The following PARD3B variants were observed in gnomAD, a reference collection of about 807,000 sequenced individuals.
The protein encoded by PARD3B is partitioning defective 3 homolog B.
PARD3B carries 103 observed loss-of-function variants against 130.2 expected under a neutral mutation model. That is an observed-to-expected ratio of 0.79 (90% CI 0.67 to 0.93). The LOEUF (loss-of-function observed/expected upper bound fraction) is 0.93, where lower values mean the gene tolerates loss of function less well. PARD3B is among the 40% of genes least tolerant of loss of function. PARD3B has a pLI of 0.00. For synonymous variants in PARD3B, 583 were observed against 553.2 expected (o/e 1.05, Z -0.76); for missense variants, 1,609 against 1,499.2 (o/e 1.07, Z -1.21).
chr2:204,820,071 C>CTTTTTTTTTTTTTTTTTT (rs557143420), intron 2 of PARD3B, among the ~76,000 whole-genome samples: 5 of 98,422 alleles, frequency 5.1e-5, no homozygotes, highest in African/African-American at 2.2e-4. Context: ...AAACAATAGA[C>CTTTTTTTTTTTTTTTTTT]TTTTTTTTTT....
At chr2:204,882,177 C>T (rs1018896976) in intron 2 of PARD3B, among the ~76,000 whole-genome samples, 5 of 152,116 alleles carry the variant, frequency 3.3e-5, no homozygotes, top group Non-Finnish European at 5.9e-5. Flanking sequence ...CTGGATATAA[C>T]AAGAAAAGCA....
chr2:204,963,641 A>T (rs1407333842), intron 2 of PARD3B, among the ~76,000 whole-genome samples: 1 of 152,220 alleles, frequency 6.6e-6, no homozygotes, highest in African/African-American at 2.4e-5. Context: ...CCTTTTCAAG[A>T]TTTAAAGTGT....
intron 19 of PARD3B, among the ~76,000 whole-genome samples, chr2:205,438,407 G>A (rs914005974): frequency 6.6e-6 from 1 of 152,258 alleles, no homozygotes; most frequent in Admixed American, 6.5e-5. Context: ...CCATGAGGCA[G>A]CCATGAGATA....
rs2046071000 is a variant in PARD3B, at chr2:205,397,409, T to G, written c.2631-3604T>G. ...TAAGAAGAAAATACTTTGCAGAATT[T>G]ACTTTCAACTAACATGTTTTTTTTC... On this transcript the variant is annotated intron_variant, in intron 18 of 22. Coordinates refer to ENST00000406610, the MANE Select transcript of PARD3B (RefSeq NM_001302769.2). This position sits in a 1 kb window ranked among gnomAD's most constrained non-coding sequence, Gnocchi z 4.8. 1.3e-5 allele frequency among the ~76,000 whole-genome samples: 2 copies of G among 152,206 alleles called. No individual in the cohort carries two copies. The highest frequency in any genetic ancestry group is 1.3e-4 in the Admixed American group (2 of 15,274).
intron 2 of PARD3B, among the ~76,000 whole-genome samples, chr2:204,744,873 C>A (rs58949460): frequency 0.013 from 1,931 of 152,212 alleles, 50 homozygotes; most frequent in African/African-American, 0.044. Flanking sequence ...ACCACTCTAA[C>A]CCATTCCCCT....
intron 2 of PARD3B, among the ~76,000 whole-genome samples, chr2:204,841,159 T>G (rs896860745): frequency 5.9e-5 from 9 of 152,190 alleles, no homozygotes; most frequent in Admixed American, 2.6e-4. Context: ...TCTGCTTGCT[T>G]CTTCTTATCT....
chr2:204,957,815 T>G (rs1236839758), intron 2 of PARD3B, among the ~76,000 whole-genome samples: 3 of 152,210 alleles, frequency 2.0e-5, no homozygotes, highest in Non-Finnish European at 4.4e-5. Context: ...TCTCTACTTG[T>G]GAAATTGTTG....
intron 1 of PARD3B, among the ~76,000 whole-genome samples, chr2:204,584,129 C>T (rs957317607): frequency 6.6e-6 from 1 of 152,170 alleles, no homozygotes; most frequent in Non-Finnish European, 1.5e-5. Context: ...GATGAATTTA[C>T]CAATCTTAGT....
chr2:205,380,838 T>TTATAATATAAAGAATACATTATA (rs2045363799), intron 18 of PARD3B, among the ~76,000 whole-genome samples: 2 of 92,908 alleles, frequency 2.2e-5, no homozygotes, highest in African/African-American at 9.1e-5. Flanking sequence ...AAAGAATACA[T>TTATAATATAAAGAATACATTATA]TATAATATAA....
intron 2 of PARD3B, among the ~76,000 whole-genome samples, chr2:204,711,714 A>G (rs2038444852): frequency 6.6e-6 from 1 of 151,452 alleles, no homozygotes; most frequent in Non-Finnish European, 1.5e-5. Context: ...CCCAGCTAAT[A>G]TTTTTCTATT....
chr2:205,386,988 TAAAC>T (rs1475545821), intron 18 of PARD3B, among the ~76,000 whole-genome samples: 2 of 152,206 alleles, frequency 1.3e-5, no homozygotes, highest in Non-Finnish European at 2.9e-5. Flanking sequence ...GGTAGATAAT[TAAAC>T]AATATTTCGA....
chr2:204,676,666 GTTTT>G (rs59424538), intron 1 of PARD3B, among the ~76,000 whole-genome samples: 3 of 92,302 alleles, frequency 3.3e-5, no homozygotes, highest in Non-Finnish European at 2.2e-5. Flanking sequence ...CTCTATGATT[GTTTT>G]TTTTTTTTTT....
At chr2:204,783,655 A>G (rs887005109) in intron 2 of PARD3B, among the ~76,000 whole-genome samples, 4 of 152,148 alleles carry the variant, frequency 2.6e-5, no homozygotes, top group Non-Finnish European at 4.4e-5. Context: ...ATATGTGCCG[A>G]ACACTCATTT....
chr2:205,480,644 G>C (rs1329679282), intron 20 of PARD3B, among the ~76,000 whole-genome samples: 2 of 152,190 alleles, frequency 1.3e-5, no homozygotes, highest in African/African-American at 4.8e-5. Flanking sequence ...TTCACAGGTA[G>C]AGAGTTGTTC....
At chr2:204,667,996 C>T (rs1012348015) in intron 1 of PARD3B, among the ~76,000 whole-genome samples, 35 of 152,114 alleles carry the variant, frequency 2.3e-4, no homozygotes, top group African/African-American at 8.2e-4. Flanking sequence ...CAGAAGAAAG[C>T]AGGGGATCAT....
At chr2:204,931,879 A>G (rs891157656) in intron 2 of PARD3B, among the ~76,000 whole-genome samples, 1 of 152,116 alleles carries the variant, frequency 6.6e-6, no homozygotes, top group East Asian at 1.9e-4. Context: ...ATCTCTGAGC[A>G]TGTGAATCAG....
rs1056103908 is a variant in PARD3B, at chr2:204,606,030, T to C, written c.120+59911T>C. 6.6e-6 allele frequency among the ~76,000 whole-genome samples: 1 copy of C among 152,184 alleles called. No homozygotes were observed. Among genetic ancestry groups the C allele is most frequent in the Non-Finnish European group, 1.5e-5 (1 of 68,038 alleles). On this transcript the variant is annotated intron_variant, in intron 1 of 22. Transcript: ENST00000406610. The surrounding 1 kb of genome is among the most constrained non-coding windows in gnomAD (Gnocchi z 4.0). ...AAGGGATCTTCTCTCCCTCTCTCCA[T>C]TGGGACATGATATTACCAAGAAGTG...
chr2:205,403,878 A>G (rs114815256), intron 19 of PARD3B, among the ~76,000 whole-genome samples: 3,873 of 152,246 alleles, frequency 0.025, 153 homozygotes, highest in African/African-American at 0.087. Context: ...TTCTTCATGT[A>G]CCTTCTCCGA....
intron 3 of PARD3B, among the ~76,000 whole-genome samples, chr2:204,989,993 A>G (rs1693512264): frequency 6.6e-6 from 1 of 152,142 alleles, no homozygotes; most frequent in African/African-American, 2.4e-5. Flanking sequence ...TATATTAGAT[A>G]ATGCCAAATT....
Sources: gnomAD v4.1 joint callset for allele counts (sites outside exome capture counted in the v4.1 genomes callset) on GRCh38, gnomAD v4.1.1 for gene constraint, Gnocchi (gnomAD v3.1) non-coding constraint, MANE v1.5 for transcripts, NCBI Gene and HGNC (gene_info 2026-07-23, HGNC 2026-07-21) for gene names.